The following SNTG1 variants were observed in gnomAD, a reference collection of about 807,000 sequenced individuals.
The protein encoded by SNTG1 is syntrophin gamma 1.
SNTG1 carries 39 observed loss-of-function variants against 74.7 expected under a neutral mutation model. That is an observed-to-expected ratio of 0.52 (90% CI 0.40 to 0.68). SNTG1 has a LOEUF of 0.68. Ranked by LOEUF, SNTG1 falls within the 30% of genes least tolerant of loss-of-function variation. SNTG1 has a pLI of 0.00. For missense variants in SNTG1, 685 were observed against 609.5 expected (o/e 1.12, Z -1.30); for synonymous variants, 254 against 217.1 (o/e 1.17, Z -1.49).
intron 8 of SNTG1, among the ~76,000 whole-genome samples, chr8:50,489,509 C>A (rs2093830748): frequency 6.6e-6 from 1 of 152,170 alleles, no homozygotes; most frequent in African/African-American, 2.4e-5. Flanking sequence ...TTTTGATTTG[C>A]ATTTCTCTAA....
intron 1 of SNTG1, chr8:50,011,873 G>A (rs1815840808): frequency 6.6e-6 from 1 of 152,170 alleles, no homozygotes; most frequent in South Asian, 2.1e-4. Flanking sequence ...ATGTTCTGAT[G>A]CAAGTGGCAA....
chr8:50,654,450 C>A (rs1251157154), intron 13 of SNTG1, among the ~76,000 whole-genome samples: 1 of 151,760 alleles, frequency 6.6e-6, no homozygotes, highest in African/African-American at 2.4e-5. Context: ...TCAGATATAC[C>A]CTGATGAAAG....
chr8:50,312,529 C>G (rs547967116), intron 2 of SNTG1, among the ~76,000 whole-genome samples: 15 of 145,676 alleles, frequency 1.0e-4, no homozygotes, highest in Middle Eastern at 6.8e-3. Context: ...GGCACTTCAG[C>G]TGCCTCAAGG....
chr8:50,103,490 A>G (rs537696423), intron 1 of SNTG1, among the ~76,000 whole-genome samples: 2 of 152,306 alleles, frequency 1.3e-5, no homozygotes, highest in East Asian at 3.9e-4. Context: ...TAGATATACA[A>G]TCATGTCATC....
intron 2 of SNTG1, among the ~76,000 whole-genome samples, chr8:50,292,523 T>C (rs942878278): frequency 2.0e-5 from 3 of 152,116 alleles, no homozygotes; most frequent in Non-Finnish European, 4.4e-5. Context: ...GAGAGGCAGA[T>C]AGACTGTTCA....
At chr8:50,093,891 G>A (rs925924223) in intron 1 of SNTG1, among the ~76,000 whole-genome samples, 1 of 152,112 alleles carries the variant, frequency 6.6e-6, no homozygotes, top group African/African-American at 2.4e-5. Flanking sequence ...GAAAGAAATA[G>A]CAGATTCAAA....
intron 2 of SNTG1, among the ~76,000 whole-genome samples, chr8:50,316,037 A>G (rs1405320360): frequency 6.6e-6 from 1 of 152,164 alleles, no homozygotes; most frequent in Admixed American, 6.5e-5. Context: ...CAACTTTTAA[A>G]ATTCTACTTT....
intron 2 of SNTG1, among the ~76,000 whole-genome samples, chr8:50,240,330 C>T (rs2086110087): frequency 6.6e-6 from 1 of 152,188 alleles, no homozygotes; most frequent in Non-Finnish European, 1.5e-5. Context: ...AAGGTGACAA[C>T]AGGCTGAATT....
At chr8:50,051,619 C>A (rs565124609) in intron 1 of SNTG1, among the ~76,000 whole-genome samples, 1 of 152,186 alleles carries the variant, frequency 6.6e-6, no homozygotes, top group African/African-American at 2.4e-5. Flanking sequence ...TCCTTCCTTA[C>A]CTCTTCCTAG....
chr8:49,936,683 C>T (rs1808108520), intron 1 of SNTG1, among the ~76,000 whole-genome samples: 1 of 152,090 alleles, frequency 6.6e-6, no homozygotes, highest in Admixed American at 6.5e-5. Context: ...TCTTTTTGTA[C>T]CCAAATGTTC....
chr8:50,137,338 C>T lies in SNTG1; in HGVS notation c.-102-35223C>T, dbSNP rs540524730. Among the ~76,000 whole-genome samples the T allele has an allele frequency of 1.2e-3, 181 of 152,200 alleles. 1 individual carries two copies. The highest frequency in any genetic ancestry group is 1.9e-3 in the Admixed American group (29 of 15,282). On this transcript the variant is annotated intron_variant, in intron 1 of 18. Coordinates refer to ENST00000642720, the MANE Select transcript of SNTG1 (RefSeq NM_018967.5). ...CCTGCTGATGGGACGCTCTGAGTCC[C>T]CCATCTCATTGGACCAATCTCATCT...
intron 2 of SNTG1, among the ~76,000 whole-genome samples, chr8:50,236,864 C>T (rs2085933278): frequency 6.6e-6 from 1 of 151,294 alleles, no homozygotes; most frequent in Non-Finnish European, 1.5e-5. Flanking sequence ...TTGTTTCTTC[C>T]TCCTGTACTT....
At chr8:50,398,228 C>T (rs765002968) in intron 3 of SNTG1, among the ~76,000 whole-genome samples, 12 of 152,238 alleles carry the variant, frequency 7.9e-5, no homozygotes, top group Admixed American at 5.9e-4. Flanking sequence ...GAACACATAA[C>T]AGTGAACATA....
intron 1 of SNTG1, chr8:49,915,078 A>G (rs941950759): frequency 1.3e-5 from 2 of 152,208 alleles, no homozygotes; most frequent in African/African-American, 4.8e-5. Context: ...TTGACAGTCA[A>G]AAGATCAGAA....
chr8:49,998,617 C>CACACAG (rs1319419470), intron 1 of SNTG1, among the ~76,000 whole-genome samples: 1 of 151,532 alleles, frequency 6.6e-6, no homozygotes, highest in East Asian at 1.9e-4. Flanking sequence ...CACACACACA[C>CACACAG]ACACACACAG....
chr8:50,273,302 G>C (rs928357731), intron 2 of SNTG1, among the ~76,000 whole-genome samples: 1 of 152,162 alleles, frequency 6.6e-6, no homozygotes, highest in Non-Finnish European at 1.5e-5. Context: ...GGTTCAAAAT[G>C]TTTTGAAAAA....
chr8:50,085,191 G>T (rs1351710832), intron 1 of SNTG1, among the ~76,000 whole-genome samples: 1 of 152,060 alleles, frequency 6.6e-6, no homozygotes, highest in African/African-American at 2.4e-5. Flanking sequence ...TAAATTCTAG[G>T]ATATTAAGAA....
chr8:50,035,411 A>G (rs971279941), intron 1 of SNTG1, among the ~76,000 whole-genome samples: 2 of 151,446 alleles, frequency 1.3e-5, no homozygotes, highest in Non-Finnish European at 2.9e-5. Context: ...GCTTGTGAAC[A>G]CTCCCTGTGT....
intron 13 of SNTG1, among the ~76,000 whole-genome samples, chr8:50,638,131 A>G (rs971174356): frequency 1.3e-5 from 2 of 152,126 alleles, no homozygotes; most frequent in African/African-American, 2.4e-5. Flanking sequence ...AGAAGAGACC[A>G]TGCTATAAGG....
Sources: gnomAD v4.1 joint callset for allele counts (sites outside exome capture counted in the v4.1 genomes callset) on GRCh38, gnomAD v4.1.1 for gene constraint, MANE v1.5 for transcripts, NCBI Gene and HGNC (gene_info 2026-07-23, HGNC 2026-07-21) for gene names.